Variants in TENM2 observed in about 807,000 individuals in gnomAD.
The protein encoded by TENM2 is teneurin transmembrane protein 2, also known as teneurin-2.
Under a neutral mutation model 245.2 loss-of-function variants are expected in TENM2, and 52 were observed. The observed-to-expected ratio is 0.21, with a 90% CI of 0.17 to 0.27. The LOEUF is 0.27. TENM2 is among the 10% of genes least tolerant of loss of function. The pLI is 1.00. For missense variants in TENM2, 3,046 were observed against 3,666.8 expected, an observed-to-expected ratio of 0.83 and a Z score of 4.37; for synonymous variants, 1,363 against 1,438.9, an observed-to-expected ratio of 0.95 and a Z score of 1.19.
chr5:167,405,523 C>T (rs1413056865), intron 2 of TENM2, among the ~76,000 whole-genome samples: 1 of 151,846 alleles, frequency 6.6e-6, no homozygotes, highest in African/African-American at 2.4e-5. Context: ...CCAAGGAGCT[C>T]TTATATATTG....
chr5:167,434,335 AC>A (rs754121503), intron 2 of TENM2, among the ~76,000 whole-genome samples: 1 of 144,090 alleles, frequency 6.9e-6, no homozygotes, highest in Non-Finnish European at 1.5e-5. Context: ...AATCGATTGA[AC>A]CCGGGAGGCA....
At chr5:168,159,447 A>C (rs2152443865) in intron 12 of TENM2, among the ~76,000 whole-genome samples, 1 of 152,338 alleles carries the variant, frequency 6.6e-6, no homozygotes, top group East Asian at 1.9e-4. Context: ...AACTTCGGTT[A>C]TAGCATCCTC....
chr5:167,404,165 G>T (rs1229678288), intron 2 of TENM2, among the ~76,000 whole-genome samples: 7 of 151,914 alleles, frequency 4.6e-5, no homozygotes, highest in Admixed American at 4.6e-4. Flanking sequence ...TTGTCTCTAG[G>T]CCAAGAGAGT....
At chr5:167,634,207 T>C (rs1299983027) in intron 2 of TENM2, among the ~76,000 whole-genome samples, 2 of 151,494 alleles carry the variant, frequency 1.3e-5, no homozygotes, top group Admixed American at 6.6e-5. Flanking sequence ...TTGTAATGAC[T>C]GTTTGGCCAG....
intron 4 of TENM2, among the ~76,000 whole-genome samples, chr5:167,976,333 G>A (rs1232909492): frequency 6.6e-6 from 1 of 152,072 alleles, no homozygotes; most frequent in Non-Finnish European, 1.5e-5. Context: ...CAGTTTTACG[G>A]CTGAGAAGAA....
intron 2 of TENM2, among the ~76,000 whole-genome samples, chr5:167,683,639 A>G (rs1159363022): frequency 6.6e-6 from 1 of 152,188 alleles, no homozygotes; most frequent in African/African-American, 2.4e-5. Context: ...AGGGAAAACC[A>G]TATTTGTCAG....
chr5:167,743,885 G>A (rs1198343873), intron 2 of TENM2, among the ~76,000 whole-genome samples: 2 of 152,152 alleles, frequency 1.3e-5, no homozygotes, highest in South Asian at 2.1e-4. Context: ...ATCTGTTCCA[G>A]GGGCAACATT....
downstream of TENM2, chr5:168,263,823 C>T (rs573574680): frequency 6.6e-6 from 1 of 152,400 alleles, no homozygotes; most frequent in Non-Finnish European, 1.5e-5. Context: ...ATACATGAGC[C>T]GAAAGGCACA....
At chr5:167,324,930 G>A in intron 1 of TENM2, among the ~76,000 whole-genome samples, 1 of 152,126 alleles carries the variant, frequency 6.6e-6, no homozygotes, top group East Asian at 1.9e-4. Context: ...ACCTGACCCA[G>A]AGTGGCACAT....
chr5:167,129,086 C>G, the TENM2 span, among the ~76,000 whole-genome samples: 2 of 152,112 alleles, frequency 1.3e-5, no homozygotes, highest in Admixed American at 6.5e-5. Flanking sequence ...TCCCTAGGCA[C>G]TTGGTGTTCA....
chr5:167,232,697 C>A, the TENM2 span, among the ~76,000 whole-genome samples: 5 of 152,190 alleles, frequency 3.3e-5, no homozygotes, highest in African/African-American at 1.2e-4. Context: ...ATAAATTACC[C>A]AGTCTTGGGT....
intron 2 of TENM2, among the ~76,000 whole-genome samples, chr5:167,385,481 T>C (rs563504318): frequency 6.6e-6 from 1 of 151,634 alleles, no homozygotes; most frequent in African/African-American, 2.4e-5. Flanking sequence ...TGGAGTATAT[T>C]GTGGGGTTTT....
chr5:167,441,706 C>T (rs1764890195), intron 2 of TENM2, among the ~76,000 whole-genome samples: 1 of 152,200 alleles, frequency 6.6e-6, no homozygotes, highest in South Asian at 2.1e-4. Context: ...AAAATTACCT[C>T]CCGCTTTCAT....
At chr5:167,790,375 C>CTG (rs1451842982) in intron 2 of TENM2, among the ~76,000 whole-genome samples, 1 of 152,166 alleles carries the variant, frequency 6.6e-6, no homozygotes, top group Non-Finnish European at 1.5e-5. Flanking sequence ...CACTGAAAGT[C>CTG]TGAAAGCAAA....
chr5:167,299,257 C>CA (rs1352043543), intron 1 of TENM2, among the ~76,000 whole-genome samples: 1 of 152,132 alleles, frequency 6.6e-6, no homozygotes, highest in African/African-American at 2.4e-5. Context: ...GGTCTGTTAA[C>CA]AGACTGTATA....
At chr5:167,169,440 T>A in the TENM2 span, among the ~76,000 whole-genome samples, 4 of 152,208 alleles carry the variant, frequency 2.6e-5, no homozygotes, top group Admixed American at 2.6e-4. Flanking sequence ...CTTCCTGTGG[T>A]CACATTGCAA....
intron 2 of TENM2, among the ~76,000 whole-genome samples, chr5:167,853,305 AAAAAAAAG>A (rs1207665318): frequency 0.01 from 1,455 of 141,174 alleles, 44 homozygotes; most frequent in African/African-American, 0.034. Context: ...AAAAAAAAAA[AAAAAAAAG>A]AAAGTGATCG....
At chr5:167,097,009 A>G in the TENM2 span, among the ~76,000 whole-genome samples, 5 of 152,094 alleles carry the variant, frequency 3.3e-5, no homozygotes, top group Admixed American at 6.5e-5. Flanking sequence ...TACACACTCC[A>G]GAGAATGCTG....
chr5:167,349,270 C>G (rs900914577), intron 1 of TENM2, among the ~76,000 whole-genome samples: 10 of 152,144 alleles, frequency 6.6e-5, no homozygotes, highest in Non-Finnish European at 1.2e-4. Flanking sequence ...GTAGTTTCCT[C>G]AGATGTGAGC....
Sources: allele counts gnomAD v4.1 joint callset (sites outside exome capture counted in the v4.1 genomes callset), GRCh38; gene constraint gnomAD v4.1.1; transcripts MANE v1.5; gene names NCBI Gene and HGNC (gene_info 2026-07-23, HGNC 2026-07-21).